SOX5: variants seen among roughly 807,000 people sequenced by gnomAD.
SOX5 encodes the protein SRY-box transcription factor 5.
SOX5 carries 9 observed loss-of-function variants against 92.0 expected under a neutral mutation model. That is an observed-to-expected ratio of 0.10 (90% confidence interval 0.06 to 0.17). The LOEUF (loss-of-function observed/expected upper bound fraction) is 0.17, where lower values mean the gene tolerates loss of function less well. Ranked by LOEUF, SOX5 falls within the 10% of genes least tolerant of loss-of-function variation. The probability of loss-of-function intolerance (pLI) is 1.00; values close to 1 mark genes in which losing one functional copy is unlikely to be tolerated. For synonymous variants in SOX5, 344 were observed against 336.3 expected (o/e 1.02, Z -0.25); for missense variants, 642 against 944.5 (o/e 0.68, Z 4.20).
intron 4 of SOX5, among the ~76,000 whole-genome samples, chr12:24,024,105 C>T (rs1339546899): frequency 1.3e-5 from 2 of 151,648 alleles, no homozygotes; most frequent in Non-Finnish European, 2.9e-5. Context: ...ACTAATTTAG[C>T]CTAAGATAGG....
chr12:24,028,184 C>T (rs1955090831), intron 4 of SOX5, among the ~76,000 whole-genome samples: 1 of 151,950 alleles, frequency 6.6e-6, no homozygotes, highest in Non-Finnish European at 1.5e-5. Flanking sequence ...GTCACCAACA[C>T]TTTTGTAATT....
chr12:23,764,623 T>G (rs2094656380), intron 3 of SOX5, among the ~76,000 whole-genome samples: 1 of 152,082 alleles, frequency 6.6e-6, no homozygotes, highest in African/African-American at 2.4e-5. Flanking sequence ...AAAAGTGAAT[T>G]CACATAATCA....
chr12:23,584,589 T>G, intron 9 of SOX5: 1 of 1,610,428 alleles, frequency 6.2e-7, no homozygotes, highest in African/African-American at 1.3e-5. Flanking sequence ...AACAGTCTGG[T>G]GAACCCACTA....
chr12:23,942,917 A>G (rs576837865), intron 1 of SOX5, among the ~76,000 whole-genome samples: 1 of 152,232 alleles, frequency 6.6e-6, no homozygotes, highest in East Asian at 1.9e-4. Context: ...ACTTTCTTTC[A>G]AAGATGTGAA....
At chr12:23,783,572 T>C (rs544905971) in intron 3 of SOX5, among the ~76,000 whole-genome samples, 3 of 152,316 alleles carry the variant, frequency 2.0e-5, no homozygotes, top group African/African-American at 7.2e-5. Flanking sequence ...AAAACTCTTG[T>C]CTAGAAGCCT....
chr12:24,201,874 G>A (rs1442919463), intron 4 of SOX5, among the ~76,000 whole-genome samples: 1 of 152,132 alleles, frequency 6.6e-6, no homozygotes, highest in Non-Finnish European at 1.5e-5. Context: ...CACATCGATG[G>A]AACTTAATGT....
chr12:23,786,024 G>A (rs1360768824), intron 3 of SOX5, among the ~76,000 whole-genome samples: 1 of 151,810 alleles, frequency 6.6e-6, no homozygotes, highest in African/African-American at 2.4e-5. Flanking sequence ...AGTTACCTAA[G>A]CTTCTTTAAA....
At chr12:23,730,710 A>C (rs2093358559) in intron 6 of SOX5, among the ~76,000 whole-genome samples, 1 of 152,218 alleles carries the variant, frequency 6.6e-6, no homozygotes. Context: ...CTAAGCAATT[A>C]AATAAAACCC....
rs199861939 is a variant in SOX5, at chr12:24,175,161, GC to G, written c.-2+38181del. Among the ~76,000 whole-genome samples the G allele has an allele frequency of 8.6e-3, 1,302 of 152,240 alleles. 21 individuals carry two copies. Among genetic ancestry groups the G allele is most frequent in the Admixed American group, 0.032 (489 of 15,306 alleles). On this transcript the variant is annotated intron_variant, in intron 4 of 4. Coordinates refer to the SOX5 transcript ENST00000446891. The stretch of plus-strand genomic sequence containing the variant: ...GGCAATTAAAGTTAAATATTCCTTC[GC>G]TTCACCTCATATTTTGTCTTTTTGG...
At chr12:24,522,228 CAG>C (rs1950325258) in intron 1 of SOX5, among the ~76,000 whole-genome samples, 1 of 149,652 alleles carries the variant, frequency 6.7e-6, no homozygotes, top group Non-Finnish European at 1.5e-5. Context: ...CACAGAGAAA[CAG>C]AAAGTCTGAA....
intron 6 of SOX5, among the ~76,000 whole-genome samples, chr12:23,676,039 G>A (rs1228066198): frequency 6.6e-6 from 1 of 152,114 alleles, no homozygotes; most frequent in African/African-American, 2.4e-5. Flanking sequence ...GCTATTGGCA[G>A]GAATGTAAAT....
intron 3 of SOX5, among the ~76,000 whole-genome samples, chr12:24,219,561 A>T (rs1959900161): frequency 6.6e-6 from 1 of 152,122 alleles, no homozygotes; most frequent in African/African-American, 2.4e-5. Context: ...GAAATACTCA[A>T]GAGGCTACAT....
intron 3 of SOX5, among the ~76,000 whole-genome samples, chr12:23,766,056 G>A (rs898228896): frequency 1.8e-4 from 28 of 152,122 alleles, no homozygotes; most frequent in African/African-American, 6.5e-4. Flanking sequence ...AACTAACGAT[G>A]CCTTACTTGA....
intron 1 of SOX5, among the ~76,000 whole-genome samples, chr12:23,924,872 T>C (rs1939498115): frequency 6.6e-6 from 1 of 152,166 alleles, no homozygotes. Flanking sequence ...ATCATTTTAA[T>C]TTTAAACTTC....
In SOX5 at chr12:23,546,336, T is replaced by C. The variant is rs759396603; in HGVS notation, c.1577A>G (p.Asn526Ser). The change falls in exon 12 of 15, where the codon AAT (asparagine) becomes AGT (serine). Residue 526 changes from asparagine (N) to serine (S), a missense_variant. Asn to Ser is a conservative substitution (Grantham distance 46). Coordinates refer to ENST00000451604, the MANE Select transcript of SOX5 (RefSeq NM_006940.6). ...CAAACCATCAGAATCTCCACTCAGATTGAAATCCATCATTGCATGGCTAAA... is the reference window on the plus strand; with the variant it reads ...CAAACCATCAGAATCTCCACTCAGACTGAAATCCATCATTGCATGGCTAAA... ...GKFSHAMMDF[N>S]LSGDSDGSAG... The C allele has an allele frequency of 3.8e-6, 6 of 1,587,814 alleles. No homozygotes were observed. In the African/African-American group the frequency reaches 4.0e-5, roughly 11 times the overall value.
intron 4 of SOX5, among the ~76,000 whole-genome samples, chr12:23,995,989 A>G (rs982780007): frequency 4.6e-5 from 7 of 152,252 alleles, no homozygotes; most frequent in African/African-American, 1.7e-4. Context: ...TGATATATAG[A>G]CAAAATCATT....
At position 23,723,581 on chromosome 12, in the gene SOX5, TACACACACACACACACACGCACTC is replaced by T. The variant is rs560492030; in HGVS notation, c.810+11079_810+11102del. 1.1e-3 allele frequency among the ~76,000 whole-genome samples: 143 copies of T among 131,844 alleles called. 3 individuals are homozygous for T. The South Asian group carries it at 0.028, about 26-fold the overall frequency. 86.5% of individuals were successfully genotyped at this position (131,844 alleles called of 152,430 possible). Reference sequence around the variant, plus strand: ...AGGAGAAAAATTATATATATATATATACACACACACACACACACGCACTCACACACACACAAACACACATACACA... The same window carrying T: ...AGGAGAAAAATTATATATATATATATACACACACACAAACACACATACACA... On this transcript the variant is annotated intron_variant, in intron 6 of 14. Coordinates refer to ENST00000451604, the MANE Select transcript of SOX5 (RefSeq NM_006940.6).
chr12:23,899,490 T>C (rs577017360), intron 1 of SOX5, among the ~76,000 whole-genome samples: 1 of 152,310 alleles, frequency 6.6e-6, no homozygotes, highest in South Asian at 2.1e-4. Context: ...CATATCTGTG[T>C]TGCAATTTGT....
chr12:24,355,214 G>A (rs16927496), intron 2 of SOX5, among the ~76,000 whole-genome samples: 2,214 of 149,054 alleles, frequency 0.015, 40 homozygotes, highest in African/African-American at 0.046. Flanking sequence ...GGATAGTGTG[G>A]TTCCCAGCCA....
Sources: allele counts gnomAD v4.1 joint callset (sites outside exome capture counted in the v4.1 genomes callset), GRCh38; gene constraint gnomAD v4.1.1; transcripts MANE v1.5; gene names NCBI Gene and HGNC (gene_info 2026-07-23, HGNC 2026-07-21).